Variants in CLRN1 observed in about 807,000 individuals in gnomAD.
CLRN1 encodes clarin 1, also known as clarin-1.
In CLRN1, 15 loss-of-function variants were observed where a neutral mutation model predicts 18.7. The ratio of observed to expected loss-of-function variants is 0.80; its 90% CI spans 0.54 to 1.23. The LOEUF (loss-of-function observed/expected upper bound fraction) is 1.23, where lower values mean the gene tolerates loss of function less well. Among genes scored for constraint, CLRN1 ranks in the 50% most tolerant of loss-of-function variants. The pLI is 0.00. For synonymous variants in CLRN1, 104 were observed against 102.9 expected (o/e 1.01, Z -0.07); for missense variants, 311 against 277.5 (o/e 1.12, Z -0.86).
At chr3:150,967,598 T>A (rs1467999639) in intron 1 of CLRN1, among the ~76,000 whole-genome samples, 1 of 152,148 alleles carries the variant, frequency 6.6e-6, no homozygotes, top group Non-Finnish European at 1.5e-5. Context: ...CACACCCCCA[T>A]ACCTGCTTCC....
intron 1 of CLRN1, among the ~76,000 whole-genome samples, chr3:150,966,565 G>C (rs1715271164): frequency 6.6e-6 from 1 of 152,126 alleles, no homozygotes; most frequent in African/African-American, 2.4e-5. Flanking sequence ...ATTTGTGGCT[G>C]CCCCTACTTT....
Position 150,927,360 on chromosome 3 carries a change from A to G in CLRN1, c.*576T>C. ...GCTGTAACTCGAACTCCTGAACTCA[A>G]ATGATCTTCCCACCTTGGCCTCCTG... is the stretch of plus-strand genomic sequence containing the variant. On this transcript the variant is annotated 3_prime_UTR_variant, in exon 3 of 3. Coordinates refer to ENST00000327047, the MANE Select transcript of CLRN1 (RefSeq NM_174878.3). 4.6e-6 allele frequency: 2 copies of G among 432,774 alleles called. No individual in the cohort carries two copies. Among genetic ancestry groups the G allele is most frequent in the South Asian group, 3.4e-5 (2 of 58,322 alleles). The allele number at this position is 432,774 out of a possible 1,614,324, so 26.8% of individuals were successfully genotyped here.
chr3:150,926,717 A>G lies in CLRN1; in HGVS notation c.*1219T>C. 7.0e-7 allele frequency: 1 copy of G among 1,418,760 alleles called. No individual in the cohort carries two copies. Among genetic ancestry groups the G allele is most frequent in the East Asian group, 2.3e-5 (1 of 43,966 alleles). 87.9% of individuals were successfully genotyped at this position (1,418,760 alleles called of 1,614,324 possible). A position where few individuals can be genotyped will look rare whatever the true frequency, so the allele number is the denominator to read the frequency against. ...TATTTTAAGGAGTACTTTCAAACCT[A>G]TTATATGAGGGCTGCTGAGTACTCA... On this transcript the variant is annotated 3_prime_UTR_variant, in exon 3 of 3. Coordinates refer to ENST00000327047, the MANE Select transcript of CLRN1 (RefSeq NM_174878.3).
intron 1 of CLRN1, among the ~76,000 whole-genome samples, chr3:150,970,402 GA>G (rs1194415326): frequency 1.3e-5 from 2 of 152,132 alleles, no homozygotes; most frequent in African/African-American, 2.4e-5. Flanking sequence ...TTAACACTGA[GA>G]GGGGTGTTTA....
chr3:150,929,343 G>A (rs1713005255), intron 2 of CLRN1, among the ~76,000 whole-genome samples: 1 of 152,148 alleles, frequency 6.6e-6, no homozygotes, highest in African/African-American at 2.4e-5. Context: ...GAAGCAGGTG[G>A]CAGGAGGGAC....
At chr3:150,947,188 G>A (rs1183062998) in intron 1 of CLRN1, among the ~76,000 whole-genome samples, 1 of 151,818 alleles carries the variant, frequency 6.6e-6, no homozygotes, top group Non-Finnish European at 1.5e-5. Context: ...ACACCCATAG[G>A]TCCAAAATAA....
intron 1 of CLRN1, among the ~76,000 whole-genome samples, chr3:150,949,290 A>G (rs1467195741): frequency 6.6e-6 from 1 of 152,168 alleles, no homozygotes; most frequent in Non-Finnish European, 1.5e-5. Context: ...CTCCCTGAAA[A>G]CTGGCACAAG....
At chr3:150,943,717 A>G in intron 1 of CLRN1, 2 of 1,587,516 alleles carry the variant, frequency 1.3e-6, no homozygotes, top group Admixed American at 1.7e-5. Context: ...ATGATGAAGC[A>G]AAGGGCCCAC....
chr3:150,972,343 C>G lies in CLRN1; in HGVS notation c.253+113G>C, dbSNP rs1648308087. The G allele has an allele frequency of 3.6e-6, 5 of 1,381,300 alleles. No homozygotes were observed. In the South Asian group the frequency reaches 3.7e-5, roughly 10 times the overall value. 85.6% of individuals were successfully genotyped at this position (1,381,300 alleles called of 1,614,324 possible). On this transcript the variant is annotated intron_variant, in intron 1 of 2. Transcript: ENST00000327047. ...TCATAGGTTTTTCATATGGTTCACA[C>G]CGATTTAAAAAGTCCTGCAGTAAAC...
At chr3:150,948,238 A>G (rs368477778) in intron 1 of CLRN1, among the ~76,000 whole-genome samples, 125 of 152,264 alleles carry the variant, frequency 8.2e-4, no homozygotes, top group African/African-American at 2.9e-3. Context: ...TAATCCCAGC[A>G]CTTTGGGAGG....
chr3:150,929,388 C>T (rs919823846), intron 2 of CLRN1, among the ~76,000 whole-genome samples: 7 of 152,176 alleles, frequency 4.6e-5, no homozygotes, highest in Non-Finnish European at 1.0e-4. Context: ...CAGGACTCTA[C>T]AGCGCTTCCA....
chr3:150,969,597 A>T (rs993894043), intron 1 of CLRN1, among the ~76,000 whole-genome samples: 1 of 152,030 alleles, frequency 6.6e-6, no homozygotes, highest in East Asian at 1.9e-4. Flanking sequence ...AAAAGTTGGG[A>T]TTACAGGCGT....
intron 2 of CLRN1, among the ~76,000 whole-genome samples, chr3:150,940,266 G>T (rs890509984): frequency 1.3e-5 from 2 of 152,236 alleles, no homozygotes; most frequent in Non-Finnish European, 2.9e-5. Flanking sequence ...CCACTGGAGA[G>T]ATCTACATTG....
chr3:150,961,949 T>C (rs2107982209), intron 1 of CLRN1, among the ~76,000 whole-genome samples: 1 of 152,348 alleles, frequency 6.6e-6, no homozygotes, highest in African/African-American at 2.4e-5. Flanking sequence ...GGAGACCTGA[T>C]GGTATGATAA....
intron 1 of CLRN1, among the ~76,000 whole-genome samples, chr3:150,959,116 CT>C (rs1391990371): frequency 6.6e-6 from 1 of 152,204 alleles, no homozygotes; most frequent in Non-Finnish European, 1.5e-5. Context: ...TAGCATAGCT[CT>C]CCCAAGTGGC....
intron 1 of CLRN1, among the ~76,000 whole-genome samples, chr3:150,961,340 G>A (rs1715025220): frequency 6.6e-6 from 1 of 152,192 alleles, no homozygotes; most frequent in Non-Finnish European, 1.5e-5. Context: ...CCCACCCCCA[G>A]AGATCCTGAT....
intron 2 of CLRN1, among the ~76,000 whole-genome samples, chr3:150,932,122 G>A (rs1400333648): frequency 1.3e-5 from 2 of 152,058 alleles, no homozygotes; most frequent in Admixed American, 1.3e-4. Context: ...GAGTTATAGG[G>A]CTGTCACACC....
At chr3:150,938,461 G>A (rs1012585019) in intron 2 of CLRN1, among the ~76,000 whole-genome samples, 8 of 152,064 alleles carry the variant, frequency 5.3e-5, no homozygotes, top group Non-Finnish European at 1.2e-4. Context: ...AAGTTCCAAG[G>A]GCTTCTGGGT....
chr3:150,954,085 A>G (rs576496208), intron 1 of CLRN1, among the ~76,000 whole-genome samples: 137 of 152,340 alleles, frequency 9.0e-4, no homozygotes, highest in Non-Finnish European at 1.5e-3. Flanking sequence ...AACCACCACA[A>G]TAATCAAGAT....
Sources: gnomAD v4.1 joint callset for allele counts (sites outside exome capture counted in the v4.1 genomes callset) on GRCh38, gnomAD v4.1.1 for gene constraint, MANE v1.5 for transcripts, NCBI Gene and HGNC (gene_info 2026-07-23, HGNC 2026-07-21) for gene names.